EPHA10: variants seen among roughly 807,000 people sequenced by gnomAD.
The protein encoded by EPHA10 is ephrin type-A receptor 10.
In EPHA10, 120 loss-of-function variants were observed where a neutral mutation model predicts 109.7. The ratio of observed to expected loss-of-function variants is 1.09; its 90% CI spans 0.94 to 1.27. The LOEUF is 1.27. Among genes scored for constraint, EPHA10 ranks in the 50% most tolerant of loss-of-function variants. EPHA10 has a pLI of 0.00. For missense variants in EPHA10, 1,396 were observed against 1,411.1 expected, an observed-to-expected ratio of 0.99 and a Z score of 0.17; for synonymous variants, 640 against 618.9, an observed-to-expected ratio of 1.03 and a Z score of -0.51.
rs1646456199 is a variant in EPHA10, at chr1:37,764,158, C to T, written c.106+803G>A. 6.6e-6 allele frequency among the ~76,000 whole-genome samples: 1 copy of T among 152,210 alleles called. No homozygotes were observed. The highest frequency in any genetic ancestry group is 1.5e-5 in the Non-Finnish European group (1 of 68,030). On this transcript the variant is annotated intron_variant, in intron 1 of 16. Coordinates refer to ENST00000373048, the MANE Select transcript of EPHA10 (RefSeq NM_001099439.2). This position sits in a 1 kb window ranked among gnomAD's most constrained non-coding sequence, Gnocchi z 5.8. ...GGGTGGGCCACCAAGGTGAGGGCCT[C>T]TCCAGAGGCGTCAGCGACTGTGGGC...
rs777625036 is a variant in EPHA10, at chr1:37,720,395, C to G, written c.2368G>C (p.Gly790Arg). 3 of 1,612,994 alleles carry G rather than the reference C, an allele frequency of 1.9e-6. No individual in the cohort carries two copies. The Admixed American group carries it at 5.0e-5, about 27-fold the overall frequency. ...TCTGATCGGTCCCGGGGGCCCCGCC[C>G]GAAGCCAGAGATCTTGCAGACAAGG... ...SDLVCKISGFGRGPRDRSEAV... is the reference protein window; with the variant it reads ...SDLVCKISGFRRGPRDRSEAV... Residue 790 changes from glycine to arginine, a missense_variant, in exon 13 of 17, where the codon GGG becomes CGG. By Grantham distance (125) the Gly-to-Arg change is moderately radical (BLOSUM62 -2). Transcript: ENST00000373048.
Position 37,753,189 on chromosome 1 carries a change from C to T in EPHA10, c.1044G>A (p.Leu348=), listed in dbSNP as rs1646357192. 1.4e-6 allele frequency: 2 copies of T among 1,385,576 alleles called. No individual in the cohort carries two copies. The highest frequency in any genetic ancestry group is 3.1e-5 in the East Asian group (1 of 32,070). 85.8% of individuals were successfully genotyped at this position (1,385,576 alleles called of 1,614,324 possible). A position where few individuals can be genotyped will look rare whatever the true frequency, so the allele number is the denominator to read the frequency against. Residue 348 remains leucine (L), a synonymous_variant, in exon 5 of 17, where the codon CTG becomes CTA. Transcript: ENST00000373048. ...PSAPRDLQYS[L]SRSPLVLRLR... The stretch of plus-strand genomic sequence containing the variant: ...GTCGCAGCACCAGCGGCGAGCGGCT[C>T]AGGCTGTACTGCAGGTCCCGCGGCG...
chr1:37,760,168 G>T, intron 3 of EPHA10: 2 of 582,808 alleles, frequency 3.4e-6, no homozygotes, highest in Non-Finnish European at 4.4e-6. Flanking sequence ...ACCCTCTTGT[G>T]ATTTTTAAAT....
In EPHA10 at chr1:37,723,445, G is replaced by A. The variant is rs1421467098; in HGVS notation, c.1773-73C>T. 5.9e-6 allele frequency: 9 copies of A among 1,525,862 alleles called. No individual in the cohort carries two copies. The East Asian group carries it at 1.8e-4, about 31-fold the overall frequency. 94.5% of individuals were successfully genotyped at this position (1,525,862 alleles called of 1,614,324 possible). Reference sequence around the variant, plus strand: ...TTCCCATTACAGAGCACTGAGGGCAGCACCTCTTTGTCCCTTCAAAAGACA... The same window carrying A: ...TTCCCATTACAGAGCACTGAGGGCAACACCTCTTTGTCCCTTCAAAAGACA... On this transcript the variant is annotated intron_variant, in intron 8 of 16. Transcript: ENST00000373048.
chr1:37,762,157 C>T (rs1646439449), intron 2 of EPHA10, 74 bp from the exon 3 acceptor site: 5 of 1,392,716 alleles, frequency 3.6e-6, no homozygotes, highest in Non-Finnish European at 4.9e-6. Context: ...AGCAGTGACT[C>T]CTGCTTTCTC....
chr1:37,731,362 G>T, intron 7 of EPHA10, 49 bp downstream of exon 7: 2 of 1,509,474 alleles, frequency 1.3e-6, no homozygotes, highest in Non-Finnish European at 1.8e-6. Flanking sequence ...TCAGCCCCGT[G>T]CAGGGTTCTC....
intron 5 of EPHA10, 86 bp from the exon 6 acceptor site, chr1:37,735,476 G>A (rs1646055205): frequency 1.3e-6 from 2 of 1,482,192 alleles, no homozygotes; most frequent in African/African-American, 2.8e-5. Context: ...GGCGTGCGGG[G>A]CTGTGGGACC....
downstream of EPHA10, among the ~76,000 whole-genome samples, chr1:37,715,549 C>T (rs1208064671): frequency 6.6e-6 from 1 of 152,132 alleles, no homozygotes; most frequent in Non-Finnish European, 1.5e-5. Context: ...ATCTGTGCTC[C>T]GAGGTTCAGA....
rs1025768814 is a variant in EPHA10, at chr1:37,719,192, A to C, written c.2756+222T>G. 7 of 607,526 alleles carry C rather than the reference A, an allele frequency of 1.2e-5. No homozygotes were observed. In the South Asian group the frequency reaches 1.2e-4, roughly 10 times the overall value. The allele number at this position is 607,526 out of a possible 1,614,324, so 37.6% of individuals were successfully genotyped here. ...TATTTCTCCAGTCAAAGGTCATTGTACCCGGGGATGTGGGCAAAATCCAGG... is the reference window on the plus strand; with the variant it reads ...TATTTCTCCAGTCAAAGGTCATTGTCCCCGGGGATGTGGGCAAAATCCAGG... On this transcript the variant is annotated intron_variant, in intron 15 of 16. Transcript: ENST00000373048.
intron 10 of EPHA10, chr1:37,722,730 C>T (rs545201205): frequency 4.2e-6 from 2 of 470,854 alleles, no homozygotes; most frequent in South Asian, 1.9e-5. Context: ...GGCCCCTAAG[C>T]TTGCAAAGGC....
At chr1:37,721,898 C>A (rs1228628758) in intron 10 of EPHA10, 53 bp from the exon 11 acceptor site, 22 of 1,438,568 alleles carry the variant, frequency 1.5e-5, no homozygotes, top group Non-Finnish European at 1.8e-5. Context: ...CCTGGCTGAG[C>A]TGGGCAGGCT....
intron 5 of EPHA10, among the ~76,000 whole-genome samples, chr1:37,736,707 C>CA (rs1229122717): frequency 6.6e-6 from 1 of 151,612 alleles, no homozygotes; most frequent in Non-Finnish European, 1.5e-5. Context: ...GACTCCATCT[C>CA]AAAAAAATAA....
Position 37,723,344 on chromosome 1 carries a change from C to T in EPHA10, c.1801G>A (p.Asp601Asn). 6.2e-7 allele frequency: 1 copy of T among 1,614,198 alleles called. No homozygotes were observed. Among genetic ancestry groups the T allele is most frequent in the Non-Finnish European group, 8.5e-7 (1 of 1,180,034 alleles). ...TACAGCTCCTCTTCATCATGGGCAT[C>T]CCCTCCTCCTTTGCCATAGCTGCAG... ...RPCSYGKGGG[D>N]AHDEEELYFH... The change falls in exon 9 of 17, where the codon GAT becomes AAT. Residue 601 changes from aspartate to asparagine, a missense_variant. Coordinates refer to ENST00000373048, the MANE Select transcript of EPHA10 (RefSeq NM_001099439.2).
Position 37,764,931 on chromosome 1 carries a change from G to A in EPHA10, c.106+30C>T. 6.4e-7 allele frequency: 1 copy of A among 1,570,840 alleles called. No homozygotes were observed. ...AGCCCCCTATCTTTTGGTATGCCACGCTCCGAGCAGAGCTCACCAGTCTTC... is the reference window on the plus strand; with the variant it reads ...AGCCCCCTATCTTTTGGTATGCCACACTCCGAGCAGAGCTCACCAGTCTTC... On this transcript the variant is annotated intron_variant, in intron 1 of 16. Coordinates refer to ENST00000373048, the MANE Select transcript of EPHA10 (RefSeq NM_001099439.2). This position sits in a 1 kb window ranked among gnomAD's most constrained non-coding sequence, Gnocchi z 5.8.
chr1:37,718,090 T>A lies in EPHA10; in HGVS notation c.*282A>T. ...TCCCTCCCATCCCTGCCCCAGCTTT[T>A]CTCTGAGACCCCGAATTTCCTCCTG... On this transcript the variant is annotated 3_prime_UTR_variant, in exon 17 of 17. Transcript: ENST00000373048. 2.2e-6 allele frequency: 1 copy of A among 448,616 alleles called. No homozygotes were observed. The highest frequency in any genetic ancestry group is 3.9e-6 in the Non-Finnish European group (1 of 253,708). 27.8% of individuals were successfully genotyped at this position (448,616 alleles called of 1,614,324 possible).
rs145217546 is a variant in EPHA10, at chr1:37,757,645, T to C, written c.851-3275A>G. On this transcript the variant is annotated intron_variant, in intron 3 of 16. Transcript: ENST00000373048. ...GGCCTTTTTCTGTTCTCATCAGACA[T>C]GGTTTGGGTTCCTGAGTCTCTTTCT... 6.0e-3 allele frequency among the ~76,000 whole-genome samples: 909 copies of C among 152,330 alleles called. 8 individuals are homozygous for C. The highest frequency in any genetic ancestry group is 0.02 in the African/African-American group (852 of 41,580).
At position 37,718,145 on chromosome 1, in the gene EPHA10, T is replaced by C. The variant is rs965165095; in HGVS notation, c.*227A>G. On this transcript the variant is annotated 3_prime_UTR_variant, in exon 17 of 17. Coordinates refer to ENST00000373048, the MANE Select transcript of EPHA10 (RefSeq NM_001099439.2). ...TATCTCAGGGGTCCTCCCTAGGGATTTGAACCTCTTTTCAGGGGCACTGAG... is the reference window on the plus strand; with the variant it reads ...TATCTCAGGGGTCCTCCCTAGGGATCTGAACCTCTTTTCAGGGGCACTGAG... 6 of 547,458 alleles carry C rather than the reference T, an allele frequency of 1.1e-5. No individual in the cohort carries two copies. The highest frequency in any genetic ancestry group is 1.0e-4 in the Admixed American group (3 of 29,022). 33.9% of individuals were successfully genotyped at this position (547,458 alleles called of 1,614,324 possible). A position where few individuals can be genotyped will look rare whatever the true frequency, so the allele number is the denominator to read the frequency against.
intron 5 of EPHA10, among the ~76,000 whole-genome samples, chr1:37,749,667 C>T (rs1646293899): frequency 6.8e-6 from 1 of 147,236 alleles, no homozygotes; most frequent in Non-Finnish European, 1.5e-5. Flanking sequence ...AGCAAGACTC[C>T]GTCTCAAAAA....
chr1:37,740,642 G>A lies in EPHA10; in HGVS notation c.1358-5252C>T, dbSNP rs537864900. ...TTTTAAGTTTCTTGGTGATTCCAGC[G>A]TGCAGACAAGTTTGAGAACCGCCAG... On this transcript the variant is annotated intron_variant, in intron 5 of 16. Coordinates refer to ENST00000373048, the MANE Select transcript of EPHA10 (RefSeq NM_001099439.2). 3.9e-5 allele frequency among the ~76,000 whole-genome samples: 6 copies of A among 152,212 alleles called. No homozygotes were observed. In the East Asian group the frequency reaches 9.7e-4, roughly 25 times the overall value.
Sources: gnomAD v4.1 joint callset for allele counts (sites outside exome capture counted in the v4.1 genomes callset) on GRCh38, gnomAD v4.1.1 for gene constraint, Gnocchi (gnomAD v3.1) non-coding constraint, MANE v1.5 for transcripts, NCBI Gene and HGNC (gene_info 2026-07-23, HGNC 2026-07-21) for gene names.